ALCAM: variants seen among roughly 807,000 people sequenced by gnomAD.
ALCAM encodes activated leukocyte cell adhesion molecule.
ALCAM carries 30 observed loss-of-function variants against 70.9 expected under a neutral mutation model. That is an observed-to-expected ratio of 0.42 (90% CI 0.32 to 0.57). The LOEUF (loss-of-function observed/expected upper bound fraction) is 0.57, where lower values mean the gene tolerates loss of function less well. Among genes scored for constraint, ALCAM ranks in the 20% least tolerant of loss-of-function variants. ALCAM has a pLI of 0.11. For synonymous variants in ALCAM, 249 were observed against 242.5 expected (o/e 1.03, Z -0.25); for missense variants, 591 against 695.1 (o/e 0.85, Z 1.68).
intron 1 of ALCAM, among the ~76,000 whole-genome samples, chr3:105,464,212 AT>A (rs1937652577): frequency 6.6e-6 from 1 of 151,322 alleles, no homozygotes; most frequent in African/African-American, 2.4e-5. Context: ...AAAAGCTTCT[AT>A]TTCAAGGAAT....
At chr3:105,434,345 A>G (rs976374114) in intron 1 of ALCAM, among the ~76,000 whole-genome samples, 1 of 152,144 alleles carries the variant, frequency 6.6e-6, no homozygotes, top group African/African-American at 2.4e-5. Context: ...GAAATTTCAA[A>G]TACATAAGAT....
In ALCAM at chr3:105,552,460, T is replaced by C; in HGVS notation, c.1547-8T>C. ...TGTAATTGCATGGACTTTTCTTCTT[T>C]GTTGCAGATGAAAACAGAGAAAAGG... On this transcript the variant is annotated splice_polypyrimidine_tract_variant and splice_region_variant and intron_variant, in intron 13 of 15. Coordinates refer to ENST00000306107, the MANE Select transcript of ALCAM (RefSeq NM_001627.4). The C allele has an allele frequency of 6.2e-7, 1 of 1,610,618 alleles. No homozygotes were observed. Among genetic ancestry groups the C allele is most frequent in the African/African-American group, 1.3e-5 (1 of 74,812 alleles).
chr3:105,455,460 A>G (rs1341548560), intron 1 of ALCAM, among the ~76,000 whole-genome samples: 3 of 149,678 alleles, frequency 2.0e-5, no homozygotes, highest in Non-Finnish European at 3.0e-5. Context: ...AAAAAAAAAG[A>G]GAAAAGAAAA....
intron 2 of ALCAM, among the ~76,000 whole-genome samples, chr3:105,522,862 G>T (rs1939581363): frequency 6.6e-6 from 1 of 152,096 alleles, no homozygotes; most frequent in African/African-American, 2.4e-5. Context: ...AAAGAAGGCC[G>T]GGCACGGTGG....
At chr3:105,378,066 C>T (rs998972494) in intron 1 of ALCAM, among the ~76,000 whole-genome samples, 6 of 151,876 alleles carry the variant, frequency 4.0e-5, no homozygotes, top group African/African-American at 1.4e-4. Flanking sequence ...TCCAACAAAG[C>T]TTGTCAGAAT....
chr3:105,480,707 T>C (rs1249363847), intron 1 of ALCAM, among the ~76,000 whole-genome samples: 1 of 152,196 alleles, frequency 6.6e-6, no homozygotes, highest in East Asian at 1.9e-4. Context: ...AGCTAGACTT[T>C]AGTTTTTTTA....
intron 1 of ALCAM, among the ~76,000 whole-genome samples, chr3:105,484,047 G>A (rs1176843908): frequency 3.3e-5 from 5 of 151,790 alleles, no homozygotes; most frequent in Non-Finnish European, 5.9e-5. Flanking sequence ...GAAAGCTGTC[G>A]CCTAACATTA....
At chr3:105,382,421 G>A (rs1935546236) in intron 1 of ALCAM, among the ~76,000 whole-genome samples, 2 of 151,956 alleles carry the variant, frequency 1.3e-5, no homozygotes, top group South Asian at 4.1e-4. Flanking sequence ...TGTCTTTATA[G>A]CAGCATGATT....
chr3:105,568,985 T>C (rs1163166951), intron 14 of ALCAM, among the ~76,000 whole-genome samples: 2 of 152,188 alleles, frequency 1.3e-5, no homozygotes, highest in Non-Finnish European at 2.9e-5. Context: ...GGCTTTATTC[T>C]TACCATACAG....
intron 1 of ALCAM, among the ~76,000 whole-genome samples, chr3:105,468,637 T>A (rs1447572370): frequency 6.6e-6 from 1 of 151,218 alleles, no homozygotes; most frequent in African/African-American, 2.4e-5. Context: ...CCATTTCTGT[T>A]CCCTTTCTGA....
rs191233426 is a variant in ALCAM, at chr3:105,567,634, T to C, written c.1665-4218T>C. 1.6e-4 allele frequency among the ~76,000 whole-genome samples: 24 copies of C among 152,320 alleles called. No homozygotes were observed. The East Asian group carries it at 4.2e-3, about 27-fold the overall frequency. ...CTAGTTTTCAGTCATAGAATTATTT[T>C]TGTTCACATTTTTTGCTGCTGATAT... On this transcript the variant is annotated intron_variant, in intron 14 of 15. Transcript: ENST00000306107.
intron 1 of ALCAM, among the ~76,000 whole-genome samples, chr3:105,414,554 A>G (rs1019430237): frequency 9.9e-5 from 15 of 152,126 alleles, no homozygotes; most frequent in African/African-American, 3.4e-4. Context: ...GGAGGCTGCT[A>G]TGAAGTTTAA....
intron 1 of ALCAM, among the ~76,000 whole-genome samples, chr3:105,392,885 A>G (rs554193465): frequency 1.2e-4 from 18 of 151,748 alleles, no homozygotes; most frequent in African/African-American, 4.1e-4. Flanking sequence ...TAGTTGTGTG[A>G]TTTTGAGTGA....
At chr3:105,429,348 A>G (rs1417599668) in intron 1 of ALCAM, among the ~76,000 whole-genome samples, 1 of 152,006 alleles carries the variant, frequency 6.6e-6, no homozygotes, top group African/African-American at 2.4e-5. Context: ...TGCTTCCTTT[A>G]TCTTTTAGAC....
At chr3:105,398,192 T>G (rs1936000964) in intron 1 of ALCAM, among the ~76,000 whole-genome samples, 1 of 152,122 alleles carries the variant, frequency 6.6e-6, no homozygotes, top group Non-Finnish European at 1.5e-5. Context: ...GACCACACTT[T>G]GAGAACAGCT....
At chr3:105,468,670 G>A (rs187369613) in intron 1 of ALCAM, among the ~76,000 whole-genome samples, 1 of 151,158 alleles carries the variant, frequency 6.6e-6, no homozygotes, top group Admixed American at 6.6e-5. Flanking sequence ...TACTACCAAG[G>A]CTGCGCAGGT....
chr3:105,398,895 G>C (rs1936018267), intron 1 of ALCAM, among the ~76,000 whole-genome samples: 1 of 151,516 alleles, frequency 6.6e-6, no homozygotes, highest in African/African-American at 2.4e-5. Flanking sequence ...GGACTCATAA[G>C]CTTTTTTTTT....
intron 1 of ALCAM, among the ~76,000 whole-genome samples, chr3:105,451,484 T>C (rs1937426616): frequency 6.6e-6 from 1 of 150,828 alleles, no homozygotes; most frequent in African/African-American, 2.4e-5. Context: ...ACTAATTAAA[T>C]AAAACACAAG....
At chr3:105,550,917 T>G (rs1002992797) in intron 12 of ALCAM, among the ~76,000 whole-genome samples, 2 of 151,632 alleles carry the variant, frequency 1.3e-5, no homozygotes, top group African/African-American at 2.4e-5. Flanking sequence ...AGAAAACAAT[T>G]GTCATTTAAT....
Sources: allele counts gnomAD v4.1 joint callset (sites outside exome capture counted in the v4.1 genomes callset), GRCh38; gene constraint gnomAD v4.1.1; transcripts MANE v1.5; gene names NCBI Gene and HGNC (gene_info 2026-07-23, HGNC 2026-07-21).